PGR: variants seen among roughly 807,000 people sequenced by gnomAD.
PGR encodes the protein progesterone receptor, also known as nuclear receptor subfamily 3 group C member 3.
A neutral mutation model predicts 76.1 loss-of-function variants in PGR; 25 were observed. That is an observed-to-expected ratio of 0.33 (90% CI 0.24 to 0.46). The LOEUF is 0.46. Among genes scored for constraint, PGR ranks in the 20% least tolerant of loss-of-function variants. The pLI, the probability that PGR is intolerant of heterozygous loss-of-function variation, is 1.00. For synonymous variants in PGR, 579 were observed against 535.0 expected (o/e 1.08, Z -1.14); for missense variants, 1,172 against 1,225.3 (o/e 0.96, Z 0.65).
At chr11:101,077,460 A>C (rs1391121074) in intron 3 of PGR, among the ~76,000 whole-genome samples, 1 of 152,212 alleles carries the variant, frequency 6.6e-6, no homozygotes, top group Non-Finnish European at 1.5e-5. Flanking sequence ...TATTTTCCAA[A>C]AACCAAAACT....
chr11:101,030,619 G>A lies in PGR; in HGVS notation c.*8497C>T, dbSNP rs1226690556. ...GGAGGCAGGCATATTGCTCTGAGGA[G>A]AATTGGAATTGTTATAGCGGAAATG... On this transcript the variant is annotated 3_prime_UTR_variant, in exon 8 of 8. Coordinates refer to ENST00000325455, the MANE Select transcript of PGR (RefSeq NM_000926.4). 1 of 218,418 alleles carries A rather than the reference G, an allele frequency of 4.6e-6. No homozygotes were observed. The highest frequency in any genetic ancestry group is 5.8e-5 in the Admixed American group (1 of 17,232). 13.5% of individuals were successfully genotyped at this position (218,418 alleles called of 1,614,324 possible). A position where few individuals can be genotyped will look rare whatever the true frequency, so the allele number is the denominator to read the frequency against.
chr11:101,062,370 G>T, intron 4 of PGR, 77 bp downstream of exon 4: 1 of 1,092,006 alleles, frequency 9.2e-7, no homozygotes, highest in Non-Finnish European at 1.4e-6. Context: ...TGCATAGAGT[G>T]TTTTATTTAA....
chr11:101,039,380 C>A, intron 7 of PGR, 109 bp from the exon 8 acceptor site: 1 of 861,936 alleles, frequency 1.2e-6, no homozygotes, highest in Non-Finnish European at 1.9e-6. Flanking sequence ...AAATACTTCT[C>A]AAGGTGTTTT....
intron 2 of PGR, among the ~76,000 whole-genome samples, chr11:101,107,522 T>C (rs952307529): frequency 2.0e-5 from 3 of 152,086 alleles, no homozygotes; most frequent in Non-Finnish European, 4.4e-5. Flanking sequence ...ATGCAAAATT[T>C]TAAAAAGAAA....
Position 101,128,417 on chromosome 11 carries a change from C to G in PGR, c.654G>C (p.Ala218=). The change falls in exon 1 of 8, where the codon GCG becomes GCC. Residue 218 remains alanine, a synonymous_variant. Transcript: ENST00000325455. The part of the protein sequence containing the change: ...APVKPSPQAA[A]VEVEEEDGSE... ...AGCCATCCTCCTCCTCAACCTCCACCGCAGCGGCCTGCGGAGACGGCTTCA... is the reference window on the plus strand; with the variant it reads ...AGCCATCCTCCTCCTCAACCTCCACGGCAGCGGCCTGCGGAGACGGCTTCA... The G allele has an allele frequency of 6.2e-7, 1 of 1,610,846 alleles. No individual in the cohort carries two copies. Among genetic ancestry groups the G allele is most frequent in the East Asian group, 2.2e-5 (1 of 44,832 alleles).
chr11:101,100,162 G>A (rs1861953885), intron 2 of PGR, among the ~76,000 whole-genome samples: 1 of 152,150 alleles, frequency 6.6e-6, no homozygotes, highest in African/African-American at 2.4e-5. Flanking sequence ...CTCAGTGGGA[G>A]GTAATTGAAT....
chr11:101,106,000 G>A lies in PGR; in HGVS notation c.1790-14124C>T, dbSNP rs191447244. Among the ~76,000 whole-genome samples, 346 of 152,274 alleles carry A rather than the reference G, an allele frequency of 2.3e-3. 2 individuals are homozygous for A. Among genetic ancestry groups the A allele is most frequent in the African/African-American group, 8.0e-3 (331 of 41,564 alleles). ...GAAAGGATTCCCTGTTTAATAAATGGTGTTGGGAAAACTGGCTAGCCATAA... is the reference window on the plus strand; with the variant it reads ...GAAAGGATTCCCTGTTTAATAAATGATGTTGGGAAAACTGGCTAGCCATAA... On this transcript the variant is annotated intron_variant, in intron 2 of 7. Transcript: ENST00000325455.
intron 4 of PGR, among the ~76,000 whole-genome samples, chr11:101,053,878 G>A (rs1860194677): frequency 6.6e-6 from 1 of 151,976 alleles, no homozygotes; most frequent in Non-Finnish European, 1.5e-5. Context: ...TTTTGCGAGA[G>A]CAAATGCCTT....
At chr11:101,081,015 C>G (rs507044) in intron 3 of PGR, among the ~76,000 whole-genome samples, 28,717 of 152,022 alleles carry the variant, frequency 0.19, 3,329 homozygotes, top group African/African-American at 0.33. Context: ...TGGCATTCCT[C>G]AGAAAGTAGG....
chr11:101,044,395 AG>A (rs1474198092), intron 6 of PGR, among the ~76,000 whole-genome samples: 1 of 152,152 alleles, frequency 6.6e-6, no homozygotes, highest in Non-Finnish European at 1.5e-5. Flanking sequence ...CTTAGGCTTA[AG>A]GGAATATTGT....
At chr11:101,074,696 G>A (rs1047166368) in intron 3 of PGR, among the ~76,000 whole-genome samples, 5 of 152,094 alleles carry the variant, frequency 3.3e-5, no homozygotes, top group African/African-American at 1.2e-4. Flanking sequence ...GACAAACAGA[G>A]AGCCCAAACA....
chr11:101,127,390 G>C, intron 1 of PGR, 44 bp downstream of exon 1: 1 of 1,438,134 alleles, frequency 7.0e-7, no homozygotes, highest in African/African-American at 1.5e-5. Context: ...CAACGGAACC[G>C]CTACTCCCGG....
chr11:101,078,540 T>C (rs1457319265), intron 3 of PGR, among the ~76,000 whole-genome samples: 1 of 152,198 alleles, frequency 6.6e-6, no homozygotes, highest in African/African-American at 2.4e-5. Context: ...GTAGAAGATA[T>C]ATTATCATCC....
At chr11:101,103,716 A>AACC in intron 2 of PGR, among the ~76,000 whole-genome samples, 1 of 152,338 alleles carries the variant, frequency 6.6e-6, no homozygotes, top group East Asian at 1.9e-4. Flanking sequence ...CAGTTTTATT[A>AACC]ATCCTACTTA....
intron 3 of PGR, among the ~76,000 whole-genome samples, chr11:101,084,816 A>C (rs907428139): frequency 2.6e-5 from 4 of 152,224 alleles, no homozygotes; most frequent in African/African-American, 9.6e-5. Context: ...AAAAAAGAGC[A>C]GGGGTTGCTA....
At chr11:101,099,937 A>C (rs1861945933) in intron 2 of PGR, among the ~76,000 whole-genome samples, 2 of 152,228 alleles carry the variant, frequency 1.3e-5, no homozygotes, top group Non-Finnish European at 2.9e-5. Flanking sequence ...AACAGAGAAG[A>C]AGCAGATCTT....
intron 3 of PGR, among the ~76,000 whole-genome samples, chr11:101,090,632 G>A (rs562269895): frequency 6.6e-6 from 1 of 152,348 alleles, no homozygotes; most frequent in Admixed American, 6.5e-5. Flanking sequence ...ATCTGCTGAG[G>A]TTGTGGTTTT....
chr11:101,055,448 C>G (rs933438676), intron 4 of PGR, among the ~76,000 whole-genome samples: 3 of 134,262 alleles, frequency 2.2e-5, no homozygotes, highest in Admixed American at 7.5e-5. Context: ...AAAAAAGGCT[C>G]ATAGAAAGTT....
In PGR at chr11:101,085,137, C is replaced by A. The variant is rs141610826; in HGVS notation, c.1906+6623G>T. Among the ~76,000 whole-genome samples the A allele has an allele frequency of 4.9e-4, 75 of 152,268 alleles. No homozygotes were observed. The East Asian group carries it at 9.1e-3, about 18-fold the overall frequency. On this transcript the variant is annotated intron_variant, in intron 3 of 7. Coordinates refer to ENST00000325455, the MANE Select transcript of PGR (RefSeq NM_000926.4). ...ACCCATCAACCACAGAACGTAAATT[C>A]TTCTCATCTGTACACAGAACATATA...
Sources: gnomAD v4.1 joint callset for allele counts (sites outside exome capture counted in the v4.1 genomes callset) on GRCh38, gnomAD v4.1.1 for gene constraint, MANE v1.5 for transcripts, NCBI Gene and HGNC (gene_info 2026-07-23, HGNC 2026-07-21) for gene names.